Variants in GNG2 observed in about 807,000 individuals in gnomAD.
GNG2 encodes the protein guanine nucleotide-binding protein G(I)/G(S)/G(O) subunit gamma-2.
In GNG2, 5 loss-of-function variants were observed where a neutral mutation model predicts 5.5. That is an observed-to-expected ratio of 0.91 (90% CI 0.48 to 1.92). GNG2 has a LOEUF of 1.92. GNG2 is among the 30% of genes most tolerant of loss of function. GNG2 has a pLI of 0.01. For missense variants in GNG2, 55 were observed against 88.4 expected (o/e 0.62, Z 1.52); for synonymous variants, 28 against 32.0 (o/e 0.88, Z 0.42).
intron 1 of GNG2, among the ~76,000 whole-genome samples, chr14:51,863,929 C>T (rs910786151): frequency 6.6e-6 from 1 of 152,144 alleles, no homozygotes; most frequent in African/African-American, 2.4e-5. Flanking sequence ...TTTTGATGGA[C>T]ACTCGGGCCA....
At chr14:51,914,053 C>T in intron 2 of GNG2, 3 of 558,176 alleles carry the variant, frequency 5.4e-6, no homozygotes, top group South Asian at 4.7e-5. Context: ...TCACTGTATC[C>T]AATATAAAGT....
At chr14:51,864,192 T>C (rs1007958195) in intron 1 of GNG2, among the ~76,000 whole-genome samples, 1 of 152,232 alleles carries the variant, frequency 6.6e-6, no homozygotes, top group Non-Finnish European at 1.5e-5. Context: ...ATTTATGTTT[T>C]TGATAATAGC....
intron 3 of GNG2, among the ~76,000 whole-genome samples, chr14:51,952,379 GCTT>G (rs1441403828): frequency 2.6e-5 from 4 of 151,992 alleles, no homozygotes; most frequent in African/African-American, 7.3e-5. Context: ...CTCTTTTCTT[GCTT>G]CTTCTTTTTC....
chr14:51,854,020 A>C (rs1022490909), intron 2 of GNG2, among the ~76,000 whole-genome samples: 7 of 151,712 alleles, frequency 4.6e-5, no homozygotes, highest in Non-Finnish European at 1.0e-4. Flanking sequence ...CCTCCCAAGT[A>C]GGCGTGCACC....
At chr14:51,855,741 G>A (rs1338751337), upstream of GNG2, among the ~76,000 whole-genome samples, 2 of 152,100 alleles carry the variant, frequency 1.3e-5, no homozygotes, top group Admixed American at 1.3e-4. Context: ...GCCCACACAT[G>A]CACTCAAGGG....
At chr14:51,964,249 G>T (rs112763426) in intron 3 of GNG2, among the ~76,000 whole-genome samples, 3 of 152,114 alleles carry the variant, frequency 2.0e-5, no homozygotes, top group African/African-American at 4.8e-5. Flanking sequence ...ACAGATTCTC[G>T]CTCAGACCCT....
chr14:51,948,372 A>T (rs986969655), intron 2 of GNG2, among the ~76,000 whole-genome samples: 1 of 152,222 alleles, frequency 6.6e-6, no homozygotes, highest in African/African-American at 2.4e-5. Flanking sequence ...CACTGGCCAG[A>T]ATCTCAAATG....
At chr14:51,839,746 G>T (rs1881433400) in intron 2 of GNG2, among the ~76,000 whole-genome samples, 2 of 152,206 alleles carry the variant, frequency 1.3e-5, no homozygotes, top group Middle Eastern at 6.8e-3. Context: ...TTTAAAAAGG[G>T]TAAATTTTGC....
intron 2 of GNG2, among the ~76,000 whole-genome samples, chr14:51,913,697 A>G (rs1886431230): frequency 6.6e-6 from 1 of 152,188 alleles, no homozygotes; most frequent in African/African-American, 2.4e-5. Flanking sequence ...CTGATCAAAA[A>G]GCTGTGCTCT....
chr14:51,965,956 C>G (rs1889866630), intron 3 of GNG2, among the ~76,000 whole-genome samples: 4 of 151,980 alleles, frequency 2.6e-5, no homozygotes, highest in Admixed American at 2.6e-4. Flanking sequence ...CGTCTGTAAT[C>G]CCAGCACTTT....
chr14:51,952,361 C>T (rs138138757), intron 3 of GNG2, among the ~76,000 whole-genome samples: 55 of 152,334 alleles, frequency 3.6e-4, no homozygotes, highest in African/African-American at 1.3e-3. Flanking sequence ...TGCCATCTTC[C>T]TCTTCTCCTC....
chr14:51,830,743 T>C (rs1881163323), intron 2 of GNG2, among the ~76,000 whole-genome samples: 1 of 152,228 alleles, frequency 6.6e-6, no homozygotes, highest in Admixed American at 6.5e-5. Context: ...ATTACTGAGA[T>C]AGCTTCTTAA....
intron 2 of GNG2, among the ~76,000 whole-genome samples, chr14:51,839,644 T>C (rs1038905173): frequency 6.6e-6 from 1 of 152,124 alleles, no homozygotes; most frequent in East Asian, 1.9e-4. Flanking sequence ...CAAAGGAGTA[T>C]GAGAGAATTT....
intron 3 of GNG2, among the ~76,000 whole-genome samples, chr14:51,957,306 T>G (rs192664557): frequency 1.1e-3 from 167 of 152,330 alleles, no homozygotes; most frequent in African/African-American, 3.9e-3. Context: ...ATTTGATTTT[T>G]TTCTCAATCC....
chr14:51,854,778 G>A (rs1233753800), intron 2 of GNG2, among the ~76,000 whole-genome samples: 3 of 152,190 alleles, frequency 2.0e-5, no homozygotes, highest in Non-Finnish European at 2.9e-5. Context: ...CTCCCAAGGT[G>A]CTGGGATTAC....
At chr14:51,832,284 G>GA (rs56909071) in intron 2 of GNG2, among the ~76,000 whole-genome samples, 3 of 127,616 alleles carry the variant, frequency 2.4e-5, no homozygotes, top group African/African-American at 7.9e-5. Context: ...GTTACAGGGA[G>GA]AAAAAAAAAA....
chr14:51,865,264 CTT>C (rs1882798274), intron 1 of GNG2, among the ~76,000 whole-genome samples: 1 of 151,900 alleles, frequency 6.6e-6, no homozygotes. Context: ...AGGTGCCTGT[CTT>C]TACTAGATCT....
chr14:51,906,554 C>A (rs1373866760), intron 2 of GNG2, among the ~76,000 whole-genome samples: 1 of 152,068 alleles, frequency 6.6e-6, no homozygotes, highest in East Asian at 1.9e-4. Context: ...GAAAAGATTT[C>A]TTTTTAAAAG....
intron 2 of GNG2, among the ~76,000 whole-genome samples, chr14:51,927,398 A>T (rs916505665): frequency 6.6e-5 from 10 of 152,208 alleles, no homozygotes; most frequent in African/African-American, 2.4e-4. Flanking sequence ...CTTTGTATTT[A>T]TTAGCTGGAG....
Sources: gnomAD v4.1 joint callset for allele counts (sites outside exome capture counted in the v4.1 genomes callset) on GRCh38, gnomAD v4.1.1 for gene constraint, MANE v1.5 for transcripts, NCBI Gene and HGNC (gene_info 2026-07-23, HGNC 2026-07-21) for gene names.